GARNL3: variants seen among roughly 807,000 people sequenced by gnomAD.
GARNL3 encodes the protein GTPase-activating Rap/Ran-GAP domain-like protein 3.
Under a neutral mutation model 125.0 loss-of-function variants are expected in GARNL3, and 63 were observed. The observed-to-expected ratio is 0.50, with a 90% confidence interval of 0.41 to 0.62. The LOEUF (loss-of-function observed/expected upper bound fraction) is 0.62, where lower values mean the gene tolerates loss of function less well. Ranked by LOEUF, GARNL3 falls within the 20% of genes least tolerant of loss-of-function variation. The pLI is 0.00. For missense variants in GARNL3, 994 were observed against 1,244.0 expected, an observed-to-expected ratio of 0.80 and a Z score of 3.02; for synonymous variants, 439 against 457.5, an observed-to-expected ratio of 0.96 and a Z score of 0.52.
At chr9:127,225,811 C>A (rs2062900977) in intron 1 of GARNL3, among the ~76,000 whole-genome samples, 1 of 150,746 alleles carries the variant, frequency 6.6e-6, no homozygotes, top group African/African-American at 2.4e-5. Context: ...GCCCCCGCGC[C>A]CCTCGCGCCC....
chr9:127,331,890 T>C (rs146312368), intron 7 of GARNL3, among the ~76,000 whole-genome samples: 32 of 152,150 alleles, frequency 2.1e-4, no homozygotes, highest in African/African-American at 7.2e-4. Context: ...TACAACGAAC[T>C]CTTCTTCGCT....
At chr9:127,303,438 G>A (rs566966514) in intron 2 of GARNL3, among the ~76,000 whole-genome samples, 1 of 152,102 alleles carries the variant, frequency 6.6e-6, no homozygotes, top group Non-Finnish European at 1.5e-5. Flanking sequence ...AAGTAGGTTG[G>A]GTCATGGAGG....
chr9:127,282,288 A>G (rs1479758942), intron 1 of GARNL3, among the ~76,000 whole-genome samples: 2 of 152,250 alleles, frequency 1.3e-5, no homozygotes, highest in East Asian at 3.8e-4. Flanking sequence ...AAGTGGCTTA[A>G]TCATGCTAAT....
At chr9:127,379,901 C>T (rs773568117) in intron 22 of GARNL3, among the ~76,000 whole-genome samples, 6 of 152,084 alleles carry the variant, frequency 3.9e-5, no homozygotes, top group East Asian at 1.9e-4. Flanking sequence ...CAGTACTGGC[C>T]GGGTGCGGTG....
chr9:127,309,640 A>G (rs947358858), intron 2 of GARNL3, among the ~76,000 whole-genome samples: 3 of 152,158 alleles, frequency 2.0e-5, no homozygotes, highest in African/African-American at 7.2e-5. Context: ...AAATGTAAGA[A>G]CCTTTCAATG....
upstream of GARNL3, chr9:127,264,092 C>A: frequency 3.7e-6 from 3 of 813,644 alleles, no homozygotes; most frequent in East Asian, 2.8e-5. Context: ...TCTATGTTAT[C>A]GTAGAGTTAT....
chr9:127,325,202 T>A, intron 7 of GARNL3, 107 bp downstream of exon 7: 1 of 1,088,878 alleles, frequency 9.2e-7, no homozygotes, highest in Non-Finnish European at 1.4e-6. Flanking sequence ...AATCTCCATG[T>A]AGATTTGCAC....
intron 1 of GARNL3, among the ~76,000 whole-genome samples, chr9:127,231,024 ATG>A (rs368822608): frequency 9.8e-4 from 81 of 82,844 alleles, no homozygotes; most frequent in Non-Finnish European, 1.6e-3. Context: ...ATATACATAT[ATG>A]TATATATACA....
At chr9:127,247,819 C>A (rs2063329297) in intron 2 of GARNL3, among the ~76,000 whole-genome samples, 1 of 152,050 alleles carries the variant, frequency 6.6e-6, no homozygotes, top group Admixed American at 6.5e-5. Flanking sequence ...ATGTACAATT[C>A]AATTATTTTT....
intron 22 of GARNL3, among the ~76,000 whole-genome samples, chr9:127,382,427 G>A (rs1262255745): frequency 6.6e-6 from 1 of 152,016 alleles, no homozygotes; most frequent in African/African-American, 2.4e-5. Flanking sequence ...AACCAGGCTA[G>A]GCAACATAGA....
Position 127,393,422 on chromosome 9 carries a change from C to G in GARNL3, c.*168C>G. On this transcript the variant is annotated 3_prime_UTR_variant, in exon 28 of 28. Transcript: ENST00000373387. Reference sequence around the variant, plus strand: ...TTCCCTCTCCAATGTCCGGTGCCATCTTTCCTGACCTTTGTTTCTTTCTGT... The same window carrying G: ...TTCCCTCTCCAATGTCCGGTGCCATGTTTCCTGACCTTTGTTTCTTTCTGT... 2.1e-6 allele frequency: 1 copy of G among 484,902 alleles called. No individual in the cohort carries two copies. 30.0% of individuals were successfully genotyped at this position (484,902 alleles called of 1,614,324 possible).
rs2063218290 is a variant in GARNL3 at position 127,242,256 on chromosome 9, G to A, written c.-28-823G>A. ...ATAAAGAGTCCCCTTTGACCAAAGT[G>A]TTACATAAAATTGCTTTTTATTTTT... On this transcript the variant is annotated intron_variant, in intron 1 of 10. Transcript: ENST00000439286. This position sits in a 1 kb window ranked among gnomAD's most constrained non-coding sequence, Gnocchi z 4.6. Among the ~76,000 whole-genome samples the A allele has an allele frequency of 6.6e-6, 1 of 152,176 alleles. No homozygotes were observed. The highest frequency in any genetic ancestry group is 6.5e-5 in the Admixed American group (1 of 15,288).
chr9:127,259,492 A>AG (rs540865520), upstream of GARNL3, among the ~76,000 whole-genome samples: 3 of 152,060 alleles, frequency 2.0e-5, no homozygotes, highest in Non-Finnish European at 4.4e-5. Flanking sequence ...TCATGGCAAC[A>AG]GGGGGTCCCA....
Position 127,320,699 on chromosome 9 carries a change from G to C in GARNL3, c.504-16G>C, listed in dbSNP as rs749101016. ...CTTCTCTGATGCTGCAGCTCATCCT[G>C]TCCATTCTATTTCAGTGCCATGAAT... is the stretch of plus-strand genomic sequence containing the variant. On this transcript the variant is annotated splice_polypyrimidine_tract_variant and intron_variant, in intron 5 of 27. Coordinates refer to ENST00000373387, the MANE Select transcript of GARNL3 (RefSeq NM_032293.5). The C allele has an allele frequency of 6.2e-7, 1 of 1,600,350 alleles. No individual in the cohort carries two copies. Among genetic ancestry groups the C allele is most frequent in the Admixed American group, 1.7e-5 (1 of 59,862 alleles).
chr9:127,310,773 CAAAA>C (rs905120960), intron 2 of GARNL3, among the ~76,000 whole-genome samples: 2 of 74,768 alleles, frequency 2.7e-5, no homozygotes, highest in Non-Finnish European at 2.8e-5. Flanking sequence ...GACTCTGTCT[CAAAA>C]AAAAAAAAAA....
At chr9:127,307,599 T>C (rs1002749038) in intron 2 of GARNL3, among the ~76,000 whole-genome samples, 1 of 152,208 alleles carries the variant, frequency 6.6e-6, no homozygotes, top group African/African-American at 2.4e-5. Context: ...ATGATGTAAA[T>C]ACATATTTAT....
upstream of GARNL3, among the ~76,000 whole-genome samples, chr9:127,260,100 A>G (rs2063559449): frequency 6.6e-6 from 1 of 152,192 alleles, no homozygotes; most frequent in South Asian, 2.1e-4. Context: ...ATTGCATTGT[A>G]CAGATGAAGG....
At chr9:127,339,829 TTTAAGGAAATG>T in intron 13 of GARNL3, 78 bp downstream of exon 13, 1 of 906,718 alleles carries the variant, frequency 1.1e-6, no homozygotes, top group Non-Finnish European at 1.9e-6. Flanking sequence ...CAGAATGCTG[TTTAAGGAAATG>T]TCATTGTTTA....
chr9:127,259,871 A>C (rs2131242307), upstream of GARNL3, among the ~76,000 whole-genome samples: 1 of 151,952 alleles, frequency 6.6e-6, no homozygotes, highest in Admixed American at 6.6e-5. Context: ...CCCCCCGCCC[A>C]TCTCTACAAA....
Sources: allele counts gnomAD v4.1 joint callset (sites outside exome capture counted in the v4.1 genomes callset), GRCh38; gene constraint gnomAD v4.1.1; non-coding constraint Gnocchi (gnomAD v3.1); transcripts MANE v1.5; gene names NCBI Gene and HGNC (gene_info 2026-07-23, HGNC 2026-07-21).